The following PTPN4 variants were observed in gnomAD, a reference collection of about 807,000 sequenced individuals.
PTPN4 encodes protein tyrosine phosphatase non-receptor type 4, also known as tyrosine-protein phosphatase non-receptor type 4.
In PTPN4, 49 loss-of-function variants were observed where a neutral mutation model predicts 135.5. That is an observed-to-expected ratio of 0.36 (90% CI 0.29 to 0.46). The LOEUF is 0.46. Ranked by LOEUF, PTPN4 falls within the 20% of genes least tolerant of loss-of-function variation. The pLI, the probability that PTPN4 is intolerant of heterozygous loss-of-function variation, is 1.00. For synonymous variants in PTPN4, 333 were observed against 369.9 expected (o/e 0.90, Z 1.14); for missense variants, 860 against 1,101.0 (o/e 0.78, Z 3.10).
chr2:119,924,712 T>G (rs953101864), intron 12 of PTPN4, among the ~76,000 whole-genome samples: 20 of 130,668 alleles, frequency 1.5e-4, no homozygotes, highest in African/African-American at 6.4e-4. Flanking sequence ...CTTTCATTAA[T>G]TTTAAAAAAA....
chr2:119,894,863 A>G (rs1311654919), intron 9 of PTPN4, among the ~76,000 whole-genome samples: 3 of 152,232 alleles, frequency 2.0e-5, no homozygotes, highest in African/African-American at 7.2e-5. Context: ...ATTTTATCAG[A>G]TTAGCAAAAG....
intron 1 of PTPN4, among the ~76,000 whole-genome samples, chr2:119,795,726 G>A (rs1041111493): frequency 1.2e-4 from 18 of 152,342 alleles, no homozygotes; most frequent in Admixed American, 5.9e-4. Flanking sequence ...ATCCATGCCT[G>A]GGGGGCGGGG....
At chr2:119,905,076 G>A (rs1292029212) in intron 10 of PTPN4, among the ~76,000 whole-genome samples, 1 of 150,364 alleles carries the variant, frequency 6.7e-6, no homozygotes, top group South Asian at 2.1e-4. Flanking sequence ...ACAATAAGAG[G>A]ATGAAAGGAA....
intron 11 of PTPN4, among the ~76,000 whole-genome samples, chr2:119,918,299 A>G (rs1158295852): frequency 5.3e-5 from 8 of 152,248 alleles, no homozygotes; most frequent in African/African-American, 1.9e-4. Flanking sequence ...CTTTAACCGG[A>G]CATAGAAGGA....
chr2:119,793,846 G>GTTTTTTTTTTTTTTTT (rs55956611), intron 1 of PTPN4, among the ~76,000 whole-genome samples: 3 of 24,798 alleles, frequency 1.2e-4, no homozygotes, highest in African/African-American at 5.5e-4. Context: ...TTCATTTTTA[G>GTTTTTTTTTTTTTTTT]TTTTTTTTTT....
intron 1 of PTPN4, among the ~76,000 whole-genome samples, chr2:119,797,830 A>G (rs1243937030): frequency 6.6e-6 from 1 of 152,242 alleles, no homozygotes; most frequent in Non-Finnish European, 1.5e-5. Context: ...AAAAAATTGT[A>G]TCCCAGAATT....
intron 2 of PTPN4, among the ~76,000 whole-genome samples, chr2:119,845,314 A>G (rs1156989872): frequency 7.1e-6 from 1 of 141,304 alleles, no homozygotes; most frequent in East Asian, 2.1e-4. Context: ...TTTTCTTTAA[A>G]TGTAATTTTT....
At chr2:119,828,173 C>T (rs935110186) in intron 2 of PTPN4, among the ~76,000 whole-genome samples, 1 of 152,190 alleles carries the variant, frequency 6.6e-6, no homozygotes, top group Non-Finnish European at 1.5e-5. Context: ...GTCATTAGCT[C>T]CAGCTGACCT....
At chr2:119,929,690 T>C (rs1202407076) in intron 13 of PTPN4, among the ~76,000 whole-genome samples, 1 of 152,146 alleles carries the variant, frequency 6.6e-6, no homozygotes, top group African/African-American at 2.4e-5. Context: ...ACAGGAAACA[T>C]AGACAGCAAG....
intron 1 of PTPN4, among the ~76,000 whole-genome samples, chr2:119,796,164 C>T (rs1691255357): frequency 6.6e-6 from 1 of 152,234 alleles, no homozygotes; most frequent in Non-Finnish European, 1.5e-5. Flanking sequence ...ACAGCTGCTC[C>T]TGCTGCCACT....
At chr2:119,881,311 C>T (rs1678074143) in intron 5 of PTPN4, among the ~76,000 whole-genome samples, 1 of 152,226 alleles carries the variant, frequency 6.6e-6, no homozygotes, top group Non-Finnish European at 1.5e-5. Flanking sequence ...CTGTAACAGG[C>T]AGCTTCCTGC....
At position 119,877,274 on chromosome 2, in the gene PTPN4, G is replaced by C. The variant is rs1677998584; in HGVS notation, c.247-49G>C. On this transcript the variant is annotated intron_variant, in intron 3 of 26. Transcript: ENST00000263708. Reference sequence around the variant, plus strand: ...GAACAGATTTGCAAGAATCAATATAGTAGTTCCTCAAGGAAAAAAGAAATC... The same window carrying C: ...GAACAGATTTGCAAGAATCAATATACTAGTTCCTCAAGGAAAAAAGAAATC... 3 of 1,572,474 alleles carry C rather than the reference G, an allele frequency of 1.9e-6. No individual in the cohort carries two copies. In the Admixed American group the frequency reaches 5.5e-5, roughly 29 times the overall value.
At chr2:119,844,595 C>T (rs1229034063) in intron 2 of PTPN4, among the ~76,000 whole-genome samples, 6 of 150,208 alleles carry the variant, frequency 4.0e-5, no homozygotes, top group East Asian at 2.0e-4. Context: ...CGGGCAGAGG[C>T]GCTCCTCACA....
In PTPN4 at chr2:119,978,315, T is replaced by A. The variant is rs1304763844; in HGVS notation, c.*1245T>A. 1.3e-5 allele frequency: 2 copies of A among 152,200 alleles called. No individual in the cohort carries two copies. Among genetic ancestry groups the A allele is most frequent in the Non-Finnish European group, 2.9e-5 (2 of 68,028 alleles). The allele number at this position is 152,200 out of a possible 1,614,324, so 9.4% of individuals were successfully genotyped here. The stretch of plus-strand genomic sequence containing the variant: ...ATTATTCTTTAGCACTCATTTCAGT[T>A]AATATCAAGCTTTGTTCACACTGAT... On this transcript the variant is annotated 3_prime_UTR_variant, in exon 27 of 27. Transcript: ENST00000263708.
chr2:119,852,289 G>C (rs1409407078), intron 2 of PTPN4, among the ~76,000 whole-genome samples: 1 of 152,198 alleles, frequency 6.6e-6, no homozygotes, highest in Non-Finnish European at 1.5e-5. Flanking sequence ...ATCAGCTTAG[G>C]TTGTGCGGTC....
chr2:119,810,438 T>C (rs933122437), intron 2 of PTPN4, among the ~76,000 whole-genome samples: 3 of 152,236 alleles, frequency 2.0e-5, no homozygotes, highest in Non-Finnish European at 1.5e-5. Flanking sequence ...CCTATTTGTG[T>C]CTAGCTTTGT....
At chr2:119,767,033 A>G (rs1363088457) in intron 1 of PTPN4, among the ~76,000 whole-genome samples, 1 of 152,226 alleles carries the variant, frequency 6.6e-6, no homozygotes, top group African/African-American at 2.4e-5. Flanking sequence ...GAGAAATCTC[A>G]AGAAAAGTAC....
chr2:119,802,585 G>C (rs529361513), intron 1 of PTPN4, among the ~76,000 whole-genome samples: 1 of 152,232 alleles, frequency 6.6e-6, no homozygotes, highest in South Asian at 2.1e-4. Flanking sequence ...TACATGGTAT[G>C]TAATTCTTTT....
chr2:119,780,535 A>G (rs1690917987), intron 1 of PTPN4, among the ~76,000 whole-genome samples: 1 of 152,096 alleles, frequency 6.6e-6, no homozygotes, highest in African/African-American at 2.4e-5. Flanking sequence ...TACTCCTCAC[A>G]TTTTCGAAGA....
Sources: gnomAD v4.1 joint callset for allele counts (sites outside exome capture counted in the v4.1 genomes callset) on GRCh38, gnomAD v4.1.1 for gene constraint, MANE v1.5 for transcripts, NCBI Gene and HGNC (gene_info 2026-07-23, HGNC 2026-07-21) for gene names.